PXDNL: variants seen among roughly 807,000 people sequenced by gnomAD.
PXDNL encodes the protein probable oxidoreductase PXDNL.
Under a neutral mutation model 150.8 loss-of-function variants are expected in PXDNL, and 145 were observed. The ratio of observed to expected loss-of-function variants is 0.96; its 90% CI spans 0.84 to 1.10. The LOEUF (loss-of-function observed/expected upper bound fraction) is 1.10. Ranked by LOEUF, PXDNL falls within the 50% of genes least tolerant of loss-of-function variation. PXDNL has a pLI of 0.00. For missense variants in PXDNL, 2,087 were observed against 1,873.9 expected (o/e 1.11, Z -2.10); for synonymous variants, 757 against 725.7 (o/e 1.04, Z -0.69).
At chr8:51,425,362 G>C (rs1809062532) in intron 13 of PXDNL, among the ~76,000 whole-genome samples, 6 of 152,168 alleles carry the variant, frequency 3.9e-5, no homozygotes, top group Admixed American at 3.9e-4. Context: ...GTGATTAAAA[G>C]CTACCTTTTA....
At chr8:51,436,102 T>G (rs1240238919) in intron 12 of PXDNL, 1 of 513,812 alleles carries the variant, frequency 1.9e-6, no homozygotes. Flanking sequence ...TTGCCCCTTT[T>G]GTCTTGACCC....
At chr8:51,584,333 G>C (rs1445448548) in intron 3 of PXDNL, among the ~76,000 whole-genome samples, 1 of 152,182 alleles carries the variant, frequency 6.6e-6, no homozygotes, top group Non-Finnish European at 1.5e-5. Context: ...TACTTTCCCA[G>C]GCAGGGTAGG....
At chr8:51,757,382 A>G (rs2130988758) in intron 1 of PXDNL, among the ~76,000 whole-genome samples, 1 of 152,310 alleles carries the variant, frequency 6.6e-6, no homozygotes, top group South Asian at 2.1e-4. Flanking sequence ...AGTGCCCATC[A>G]TCTGCACCCG....
intron 17 of PXDNL, among the ~76,000 whole-genome samples, chr8:51,381,327 T>C (rs750038260): frequency 9.2e-5 from 14 of 152,176 alleles, no homozygotes; most frequent in Non-Finnish European, 1.3e-4. Context: ...ATTTTGTTTC[T>C]CTTTATTGTT....
intron 2 of PXDNL, among the ~76,000 whole-genome samples, chr8:51,632,978 A>G (rs59681583): frequency 0.073 from 11,076 of 152,128 alleles, 1,340 homozygotes; most frequent in African/African-American, 0.25. Context: ...GTTTTGGAGT[A>G]TAAATGATCC....
chr8:51,563,654 T>G (rs1812759861), intron 3 of PXDNL, among the ~76,000 whole-genome samples: 1 of 152,028 alleles, frequency 6.6e-6, no homozygotes, highest in South Asian at 2.1e-4. Flanking sequence ...TTATGTGGAA[T>G]GAGGTCCAAA....
intron 14 of PXDNL, among the ~76,000 whole-genome samples, chr8:51,420,328 C>T (rs760118566): frequency 7.9e-5 from 12 of 152,138 alleles, no homozygotes; most frequent in African/African-American, 2.9e-4. Context: ...GCAAATGTTA[C>T]TTTAGTTTGC....
At chr8:51,459,680 A>T (rs1810023550) in intron 8 of PXDNL, among the ~76,000 whole-genome samples, 1 of 152,226 alleles carries the variant, frequency 6.6e-6, no homozygotes, top group African/African-American at 2.4e-5. Context: ...CAAAGTCTTC[A>T]TGTTTCAATA....
intron 3 of PXDNL, among the ~76,000 whole-genome samples, chr8:51,590,648 T>C (rs554223559): frequency 6.6e-6 from 1 of 152,346 alleles, no homozygotes; most frequent in Non-Finnish European, 1.5e-5. Flanking sequence ...CCTTTCTTTT[T>C]GCCTATCTCT....
At chr8:51,418,383 C>T (rs557953916) in intron 14 of PXDNL, among the ~76,000 whole-genome samples, 2 of 152,248 alleles carry the variant, frequency 1.3e-5, no homozygotes, top group East Asian at 3.9e-4. Flanking sequence ...TAAAACTCTT[C>T]AGTTACCAAT....
chr8:51,471,155 A>AAG (rs1810322384), intron 8 of PXDNL, among the ~76,000 whole-genome samples: 1 of 134,946 alleles, frequency 7.4e-6, no homozygotes, highest in East Asian at 2.2e-4. Flanking sequence ...AAAAAAAAAA[A>AAG]GCATCAAAAA....
chr8:51,761,172 C>A (rs2130998159), intron 1 of PXDNL, among the ~76,000 whole-genome samples: 1 of 151,944 alleles, frequency 6.6e-6, no homozygotes, highest in East Asian at 1.9e-4. Context: ...CGCGGCCGGC[C>A]TGAAATCACT....
intron 1 of PXDNL, among the ~76,000 whole-genome samples, chr8:51,676,352 C>T (rs775692864): frequency 2.0e-5 from 3 of 152,082 alleles, no homozygotes; most frequent in African/African-American, 4.8e-5. Flanking sequence ...TTTCGGCTCA[C>T]CACAACCTCT....
chr8:51,765,971 G>A lies in PXDNL; in HGVS notation c.164+43210C>T, dbSNP rs903830004. On this transcript the variant is annotated intron_variant, in intron 1 of 22. Transcript: ENST00000356297. ...CCATTCTCCTGCCTCAGCCTCCCAC[G>A]TAGCTGGCACTACAGGCGCCCGCCA... is the stretch of plus-strand genomic sequence containing the variant. Among the ~76,000 whole-genome samples the A allele has an allele frequency of 2.6e-5, 4 of 151,530 alleles. No individual in the cohort carries two copies. The East Asian group carries it at 5.8e-4, about 22-fold the overall frequency.
intron 2 of PXDNL, among the ~76,000 whole-genome samples, chr8:51,637,852 G>A (rs530939244): frequency 8.5e-5 from 13 of 152,124 alleles, no homozygotes; most frequent in Admixed American, 4.6e-4. Context: ...TACAGAGAAC[G>A]CCACAAAGAT....
intron 6 of PXDNL, among the ~76,000 whole-genome samples, chr8:51,481,531 A>T (rs1304042735): frequency 6.6e-6 from 1 of 152,232 alleles, no homozygotes; most frequent in Admixed American, 6.5e-5. Context: ...GCTAATCACC[A>T]AGACAATGGG....
intron 4 of PXDNL, among the ~76,000 whole-genome samples, chr8:51,524,731 C>T (rs1811733265): frequency 6.6e-6 from 1 of 152,108 alleles, no homozygotes; most frequent in Non-Finnish European, 1.5e-5. Flanking sequence ...CAGGAAAATG[C>T]ATCTTTTACT....
At chr8:51,357,277 A>G (rs750752074) in intron 19 of PXDNL, among the ~76,000 whole-genome samples, 2 of 152,170 alleles carry the variant, frequency 1.3e-5, no homozygotes, top group Non-Finnish European at 2.9e-5. Flanking sequence ...AAAGACATCC[A>G]TCTACCTGAG....
intron 2 of PXDNL, among the ~76,000 whole-genome samples, chr8:51,621,567 C>G (rs542197779): frequency 6.6e-6 from 1 of 151,770 alleles, no homozygotes; most frequent in Admixed American, 6.6e-5. Context: ...TGCCAGACCC[C>G]AGGATCTATT....
Sources: allele counts gnomAD v4.1 joint callset (sites outside exome capture counted in the v4.1 genomes callset), GRCh38; gene constraint gnomAD v4.1.1; transcripts MANE v1.5; gene names NCBI Gene and HGNC (gene_info 2026-07-23, HGNC 2026-07-21).